Variants in CPNE5 observed in about 807,000 individuals in gnomAD.
CPNE5 encodes the protein copine 5, also known as copine-5.
Under a neutral mutation model 81.1 loss-of-function variants are expected in CPNE5, and 42 were observed. The observed-to-expected ratio is 0.52, with a 90% CI of 0.40 to 0.67. The LOEUF (loss-of-function observed/expected upper bound fraction) is 0.67, where lower values mean the gene tolerates loss of function less well. Ranked by LOEUF, CPNE5 falls within the 30% of genes least tolerant of loss-of-function variation. CPNE5 has a pLI of 0.00. For synonymous variants in CPNE5, 313 were observed against 321.5 expected (o/e 0.97, Z 0.28); for missense variants, 612 against 815.5 (o/e 0.75, Z 3.04).
intron 1 of CPNE5, chr6:36,827,747 G>T: frequency 2.0e-6 from 2 of 985,382 alleles, no homozygotes; most frequent in Middle Eastern, 1.0e-3. Context: ...GAGGAAACCG[G>T]GTCTTCCGCC....
At chr6:36,828,949 C>T (rs541627262) in intron 1 of CPNE5, among the ~76,000 whole-genome samples, 2 of 152,214 alleles carry the variant, frequency 1.3e-5, no homozygotes, top group African/African-American at 2.4e-5. Flanking sequence ...ACAGTCCCCC[C>T]CTCCCAGGAG....
At chr6:36,775,446 T>G (rs181280109) in intron 9 of CPNE5, among the ~76,000 whole-genome samples, 1 of 152,300 alleles carries the variant, frequency 6.6e-6, no homozygotes, top group Admixed American at 6.5e-5. Flanking sequence ...AGATTCTCCA[T>G]CTGCAATTCA....
chr6:36,789,232 T>G (rs1488482177), intron 8 of CPNE5, among the ~76,000 whole-genome samples: 2 of 152,166 alleles, frequency 1.3e-5, no homozygotes, highest in Non-Finnish European at 2.9e-5. Context: ...AGACCCCTGG[T>G]GCTGGAACAG....
intron 4 of CPNE5, among the ~76,000 whole-genome samples, chr6:36,798,902 G>A (rs780057004): frequency 4.6e-5 from 7 of 152,096 alleles, no homozygotes; most frequent in African/African-American, 1.4e-4. Context: ...TTGGCTGCCC[G>A]TGGTGCTAAT....
intron 2 of CPNE5, among the ~76,000 whole-genome samples, chr6:36,822,687 A>G (rs1342016736): frequency 2.0e-5 from 3 of 152,162 alleles, no homozygotes; most frequent in East Asian, 3.9e-4. Context: ...AGACCCATCC[A>G]GGTCACACGC....
intron 4 of CPNE5, 53 bp downstream of exon 4, chr6:36,799,914 C>T: frequency 1.5e-6 from 2 of 1,323,356 alleles, no homozygotes; most frequent in South Asian, 1.2e-5. Context: ...GTCCTACCTG[C>T]CAGCAATCTT....
intron 7 of CPNE5, 169 bp from the exon 8 acceptor site, chr6:36,792,265 GC>G: frequency 7.5e-7 from 1 of 1,339,264 alleles, no homozygotes; most frequent in Non-Finnish European, 1.0e-6. Context: ...TGGCAGTGTG[GC>G]CTAGTGCACT....
intron 1 of CPNE5, chr6:36,827,597 C>T: frequency 1.0e-6 from 1 of 985,432 alleles, no homozygotes; most frequent in Non-Finnish European, 1.2e-6. Flanking sequence ...GCACAGACCA[C>T]AACACACACA....
intron 15 of CPNE5, among the ~76,000 whole-genome samples, chr6:36,747,310 T>C (rs1339145129): frequency 6.6e-6 from 1 of 152,144 alleles, no homozygotes; most frequent in Non-Finnish European, 1.5e-5. Flanking sequence ...ATTTGTTCAT[T>C]GATGGGAGGT....
chr6:36,744,596 C>T (rs1582677823), intron 18 of CPNE5: 1 of 534,930 alleles, frequency 1.9e-6, no homozygotes, highest in East Asian at 3.1e-5. Context: ...CCCCCATCCC[C>T]TCTTACAGGG....
At chr6:36,753,350 G>A (rs1471427189) in intron 13 of CPNE5, among the ~76,000 whole-genome samples, 4 of 152,264 alleles carry the variant, frequency 2.6e-5, no homozygotes, top group Non-Finnish European at 4.4e-5. Context: ...ACCAGGGTGT[G>A]TCTGACTTCA....
In CPNE5 at chr6:36,756,701, A is replaced by G. The variant is rs76756020; in HGVS notation, c.856-403T>C. On this transcript the variant is annotated intron_variant, in intron 12 of 20. Coordinates refer to ENST00000244751, the MANE Select transcript of CPNE5 (RefSeq NM_020939.2). Reference sequence around the variant, plus strand: ...ATGCACCCCCTTCCTCTCTCAGCCAATTCCAATCTCCCCTGTTCCTCCTTT... The same window carrying G: ...ATGCACCCCCTTCCTCTCTCAGCCAGTTCCAATCTCCCCTGTTCCTCCTTT... Among the ~76,000 whole-genome samples the G allele has an allele frequency of 6.5e-3, 995 of 152,126 alleles. 34 individuals are homozygous for G. The highest frequency in any genetic ancestry group is 0.044 in the East Asian group (226 of 5,176).
chr6:36,784,407 C>T (rs1040780100), intron 8 of CPNE5, among the ~76,000 whole-genome samples: 13 of 152,190 alleles, frequency 8.5e-5, no homozygotes, highest in Non-Finnish European at 1.3e-4. Context: ...TGTAACTAAC[C>T]GCCTGGGGGC....
chr6:36,833,145 G>T (rs1409682537), intron 1 of CPNE5, among the ~76,000 whole-genome samples: 2 of 152,172 alleles, frequency 1.3e-5, no homozygotes, highest in African/African-American at 4.8e-5. Context: ...ATCTCAAGAA[G>T]CCCTCAAGGT....
chr6:36,803,172 C>T (rs992194327), intron 3 of CPNE5, among the ~76,000 whole-genome samples: 2 of 152,126 alleles, frequency 1.3e-5, no homozygotes, highest in Non-Finnish European at 2.9e-5. Flanking sequence ...TCAATCTCAT[C>T]GGCTAAATCT....
chr6:36,744,717 G>C (rs1763936599), intron 18 of CPNE5, among the ~76,000 whole-genome samples: 1 of 152,344 alleles, frequency 6.6e-6, no homozygotes, highest in African/African-American at 2.4e-5. Context: ...CGGTCCTAGA[G>C]ATGGGTTAAT....
intron 3 of CPNE5, among the ~76,000 whole-genome samples, chr6:36,817,705 A>G (rs546366706): frequency 3.0e-4 from 46 of 152,190 alleles, no homozygotes; most frequent in Middle Eastern, 3.4e-3. Flanking sequence ...GACTGCCCCA[A>G]TGGTCTGTTG....
intron 11 of CPNE5, among the ~76,000 whole-genome samples, chr6:36,764,249 G>A (rs1274965572): frequency 2.6e-5 from 4 of 152,096 alleles, no homozygotes; most frequent in Non-Finnish European, 5.9e-5. Context: ...AGGAACGCCA[G>A]GGTAAGACGA....
chr6:36,769,552 G>A (rs558662159), intron 10 of CPNE5, among the ~76,000 whole-genome samples: 3 of 152,362 alleles, frequency 2.0e-5, no homozygotes, highest in East Asian at 1.9e-4. Flanking sequence ...TACAAGTCCC[G>A]AGGGCTGACA....
Sources: gnomAD v4.1 joint callset for allele counts (sites outside exome capture counted in the v4.1 genomes callset) on GRCh38, gnomAD v4.1.1 for gene constraint, MANE v1.5 for transcripts, NCBI Gene and HGNC (gene_info 2026-07-23, HGNC 2026-07-21) for gene names.